The following QNG1 variants were observed in gnomAD, a reference collection of about 807,000 sequenced individuals.
The protein encoded by QNG1 is queuosine 5'-phosphate N-glycosylase/hydrolase.
the QNG1 span, chr9:83,944,987 C>T: frequency 1.9e-6 from 3 of 1,596,362 alleles, no homozygotes; most frequent in Non-Finnish European, 2.6e-6. Flanking sequence ...AAACTCTTTT[C>T]CCCTGATGAA....
chr9:83,956,810 G>A, the QNG1 span: 1 of 309,822 alleles, frequency 3.2e-6, no homozygotes, highest in Admixed American at 4.4e-5. Flanking sequence ...CCAAAGGTCT[G>A]GAAACTGCTA....
chr9:83,945,929 A>AT, the QNG1 span, among the ~76,000 whole-genome samples: 1 of 152,078 alleles, frequency 6.6e-6, no homozygotes, highest in South Asian at 2.1e-4. Flanking sequence ...AAATGTGTAG[A>AT]TAGCATTCCT....
At chr9:83,956,179 T>G in the QNG1 span, 1 of 1,611,172 alleles carries the variant, frequency 6.2e-7, no homozygotes, top group Non-Finnish European at 8.5e-7. Context: ...TCGAGGGCTC[T>G]GTTGACGGCG....
the QNG1 span, among the ~76,000 whole-genome samples, chr9:83,942,687 G>A: frequency 4.6e-5 from 7 of 152,194 alleles, no homozygotes; most frequent in African/African-American, 1.7e-4. Context: ...TAGTTTTGCA[G>A]TAACATACCT....
the QNG1 span, chr9:83,939,865 C>T: frequency 1.8e-4 from 120 of 676,210 alleles, no homozygotes; most frequent in Non-Finnish European, 2.5e-4. Context: ...AAATCTCAGA[C>T]GTTATTTTTG....
At chr9:83,942,725 T>G in the QNG1 span, among the ~76,000 whole-genome samples, 1 of 152,254 alleles carries the variant, frequency 6.6e-6, no homozygotes, top group Admixed American at 6.5e-5. Context: ...AAATTTTACT[T>G]AAATGCACTA....
At chr9:83,949,376 G>A in the QNG1 span, among the ~76,000 whole-genome samples, 1 of 152,214 alleles carries the variant, frequency 6.6e-6, no homozygotes, top group African/African-American at 2.4e-5. Context: ...GGGTGCAGTG[G>A]CTCATGCCTG....
At chr9:83,953,512 T>C in the QNG1 span, 1 of 261,974 alleles carries the variant, frequency 3.8e-6, no homozygotes, top group Non-Finnish European at 7.4e-6. Flanking sequence ...CACACCCGGC[T>C]AATTTTTATA....
At chr9:83,956,709 G>C in the QNG1 span, 16 of 437,370 alleles carry the variant, frequency 3.7e-5, no homozygotes, top group Admixed American at 1.9e-4. Context: ...GAGACCCCGG[G>C]GCAGCTCGCT....
At chr9:83,954,752 C>A in the QNG1 span, among the ~76,000 whole-genome samples, 1 of 148,538 alleles carries the variant, frequency 6.7e-6, no homozygotes, top group African/African-American at 2.5e-5. Context: ...CAGTGGCGGG[C>A]ACCTGTAATC....
At chr9:83,948,449 G>T in the QNG1 span, among the ~76,000 whole-genome samples, 1 of 141,452 alleles carries the variant, frequency 7.1e-6, no homozygotes, top group Non-Finnish European at 1.6e-5. Flanking sequence ...CCCCCGCCCG[G>T]CCAGCCGCCC....
At chr9:83,939,480 G>T in the QNG1 span, 2 of 1,423,550 alleles carry the variant, frequency 1.4e-6, no homozygotes, top group East Asian at 2.3e-5. Context: ...AAAACGCAGG[G>T]GGTTTTCTTT....
chr9:83,944,845 GAGCAAGAACCTGAGGTAATCTATAATC>G, the QNG1 span: 1 of 1,613,848 alleles, frequency 6.2e-7, no homozygotes, highest in Non-Finnish European at 8.5e-7. Flanking sequence ...GCTCCAAGAT[GAGCAAGAACCTGAGGTAATCTATAATC>G]AGCAAACATG....
At chr9:83,939,650 A>G in the QNG1 span, 2 of 1,614,188 alleles carry the variant, frequency 1.2e-6, no homozygotes, top group Non-Finnish European at 1.7e-6. Context: ...TTGTTCAATA[A>G]GCTCCAGAAG....
chr9:83,952,875 G>A, the QNG1 span, among the ~76,000 whole-genome samples: 5 of 150,766 alleles, frequency 3.3e-5, no homozygotes, highest in South Asian at 2.1e-4. Context: ...GCAGAGAACC[G>A]CTTGAACCTG....
chr9:83,938,935 A>ATTTTAAAATTT, the QNG1 span: 8 of 153,334 alleles, frequency 5.2e-5, no homozygotes, highest in Admixed American at 3.9e-4. Context: ...TTTTGTAGAG[A>ATTTTAAAATTT]TGGGGGTCTC....
At chr9:83,939,828 T>C in the QNG1 span, 1 of 862,054 alleles carries the variant, frequency 1.2e-6, no homozygotes, top group Non-Finnish European at 1.9e-6. Flanking sequence ...AAACAGAGTA[T>C]TTAAATGGTA....
chr9:83,938,673 G>GC, the QNG1 span: 1 of 136,324 alleles, frequency 7.3e-6, no homozygotes, highest in Non-Finnish European at 1.6e-5. Context: ...TCCACAGGGG[G>GC]GAAAAAAAAA....
At chr9:83,949,261 T>C in the QNG1 span, among the ~76,000 whole-genome samples, 1 of 152,212 alleles carries the variant, frequency 6.6e-6, no homozygotes, top group African/African-American at 2.4e-5. Context: ...TAAACCTATC[T>C]AAATATGACA....
Sources: allele counts gnomAD v4.1 joint callset (sites outside exome capture counted in the v4.1 genomes callset), GRCh38; gene constraint gnomAD v4.1.1; transcripts MANE v1.5; gene names NCBI Gene and HGNC (gene_info 2026-07-23, HGNC 2026-07-21).